The following EBF1 variants were observed in gnomAD, a reference collection of about 807,000 sequenced individuals.
EBF1 encodes the protein EBF transcription factor 1.
EBF1 carries 10 observed loss-of-function variants against 68.4 expected under a neutral mutation model. The observed-to-expected ratio is 0.15, with a 90% confidence interval of 0.09 to 0.25. The LOEUF is 0.25. Ranked by LOEUF, EBF1 falls within the 10% of genes least tolerant of loss-of-function variation. The pLI, the probability that EBF1 is intolerant of heterozygous loss-of-function variation, is 1.00. For missense variants in EBF1, 509 were observed against 794.4 expected (o/e 0.64, Z 4.32); for synonymous variants, 298 against 299.8 (o/e 0.99, Z 0.06).
intron 6 of EBF1, among the ~76,000 whole-genome samples, chr5:158,881,233 C>A (rs545853438): frequency 6.6e-6 from 1 of 152,018 alleles, no homozygotes; most frequent in Non-Finnish European, 1.5e-5. Flanking sequence ...CAAACTCAAC[C>A]TTTCTTTGAA....
chr5:158,795,832 G>A (rs1779523712), intron 9 of EBF1, among the ~76,000 whole-genome samples: 1 of 152,132 alleles, frequency 6.6e-6, no homozygotes, highest in Admixed American at 6.5e-5. Context: ...GCTAGAAAAA[G>A]CCCTTTGTGG....
intron 9 of EBF1, among the ~76,000 whole-genome samples, chr5:158,789,734 C>T (rs1419780826): frequency 2.0e-5 from 3 of 152,290 alleles, no homozygotes; most frequent in East Asian, 1.9e-4. Context: ...AATGTGGTGA[C>T]TCTACATGTG....
At chr5:159,029,290 C>T (rs574065811) in intron 6 of EBF1, among the ~76,000 whole-genome samples, 1 of 152,102 alleles carries the variant, frequency 6.6e-6, no homozygotes, top group Admixed American at 6.6e-5. Flanking sequence ...GTGGTATTCT[C>T]ACAAATAACC....
intron 6 of EBF1, among the ~76,000 whole-genome samples, chr5:159,024,381 C>T (rs1355449920): frequency 5.9e-5 from 9 of 152,298 alleles, no homozygotes; most frequent in South Asian, 4.1e-4. Flanking sequence ...GGAGAAACTA[C>T]GTAATTTTTC....
chr5:158,933,269 G>C (rs1300182300), intron 6 of EBF1, among the ~76,000 whole-genome samples: 1 of 152,080 alleles, frequency 6.6e-6, no homozygotes, highest in Non-Finnish European at 1.5e-5. Flanking sequence ...AGGAAGCGGG[G>C]ATAGTTCAGC....
At chr5:158,877,268 T>C (rs986652952) in intron 6 of EBF1, among the ~76,000 whole-genome samples, 2 of 152,214 alleles carry the variant, frequency 1.3e-5, no homozygotes, top group African/African-American at 4.8e-5. Context: ...AGCTACAGTG[T>C]CACTTACTAG....
rs756741736 is a variant in EBF1, at chr5:159,099,364, C to T, written c.115G>A (p.Ala39Thr). The T allele has an allele frequency of 1.3e-6, 2 of 1,590,502 alleles. No individual in the cohort carries two copies. The highest frequency in any genetic ancestry group is 1.7e-6 in the Non-Finnish European group (2 of 1,169,722). ...TWMQGAGVLD[A>T]NTAAQSGVGL... ...ACCCACCTCTGCGCCGCCGTGTTGG[C>T]GTCCAGCACCCCGGCGCCCTGCATC... The change falls in exon 1 of 16, where the codon GCC (alanine) becomes ACC (threonine). Residue 39 changes from alanine to threonine, a missense_variant. Coordinates refer to ENST00000313708, the MANE Select transcript of EBF1 (RefSeq NM_024007.5).
intron 6 of EBF1, among the ~76,000 whole-genome samples, chr5:158,870,558 C>T (rs1006823433): frequency 6.6e-6 from 1 of 152,090 alleles, no homozygotes; most frequent in Non-Finnish European, 1.5e-5. Context: ...CACCCATAGT[C>T]CCAGCTATTC....
At chr5:158,926,738 A>G (rs987796528) in intron 6 of EBF1, among the ~76,000 whole-genome samples, 7 of 151,832 alleles carry the variant, frequency 4.6e-5, no homozygotes, top group African/African-American at 1.2e-4. Flanking sequence ...AAAAAAAAAA[A>G]AAAGAAAAGA....
chr5:159,099,232 A>T, intron 1 of EBF1, 113 bp downstream of exon 1: 1 of 825,022 alleles, frequency 1.2e-6, no homozygotes, highest in Non-Finnish European at 1.6e-6. Flanking sequence ...GCGGCTGCGG[A>T]CTCACCCCGC....
chr5:158,895,192 C>A (rs560211174), intron 6 of EBF1, among the ~76,000 whole-genome samples: 4 of 152,188 alleles, frequency 2.6e-5, no homozygotes, highest in African/African-American at 9.6e-5. Context: ...ATGTTGGACA[C>A]CAGCACTATT....
At chr5:158,844,265 A>G (rs1306184581) in intron 6 of EBF1, among the ~76,000 whole-genome samples, 1 of 151,364 alleles carries the variant, frequency 6.6e-6, no homozygotes, top group African/African-American at 2.4e-5. Flanking sequence ...TTTCAGTACA[A>G]ATAATATCAT....
At chr5:158,824,857 G>T (rs907522381) in intron 7 of EBF1, among the ~76,000 whole-genome samples, 4 of 152,200 alleles carry the variant, frequency 2.6e-5, no homozygotes, top group African/African-American at 9.7e-5. Flanking sequence ...AAAATACGAT[G>T]AATTTCCTTT....
At chr5:158,863,112 G>A (rs1325371156) in intron 6 of EBF1, among the ~76,000 whole-genome samples, 1 of 152,096 alleles carries the variant, frequency 6.6e-6, no homozygotes, top group Non-Finnish European at 1.5e-5. Flanking sequence ...GTTCCTTTAT[G>A]CTAAAGGTTT....
intron 5 of EBF1, among the ~76,000 whole-genome samples, chr5:159,080,957 A>G (rs1387594391): frequency 1.3e-5 from 2 of 152,162 alleles, no homozygotes; most frequent in Non-Finnish European, 2.9e-5. Flanking sequence ...CCATGGTTTC[A>G]GTTACCTGTG....
At chr5:158,898,697 C>T (rs1802656496) in intron 6 of EBF1, among the ~76,000 whole-genome samples, 1 of 152,178 alleles carries the variant, frequency 6.6e-6, no homozygotes, top group Non-Finnish European at 1.5e-5. Flanking sequence ...GGCTGTCATC[C>T]ACGCACTAAG....
chr5:159,073,596 A>T, intron 5 of EBF1, 132 bp from the exon 6 acceptor site: 1 of 912,290 alleles, frequency 1.1e-6, no homozygotes, highest in Non-Finnish European at 1.7e-6. Flanking sequence ...CAATCAACGG[A>T]TCCCTGGGAC....
At chr5:159,021,509 G>A (rs1766674329) in intron 6 of EBF1, among the ~76,000 whole-genome samples, 1 of 152,234 alleles carries the variant, frequency 6.6e-6, no homozygotes, top group Non-Finnish European at 1.5e-5. Flanking sequence ...CTGTGCCTGT[G>A]AGGTCAGGCA....
chr5:158,799,755 A>T (rs533686614), intron 8 of EBF1, among the ~76,000 whole-genome samples: 1 of 152,306 alleles, frequency 6.6e-6, no homozygotes, highest in East Asian at 1.9e-4. Flanking sequence ...AGCACTGCTC[A>T]GCTTCAGCCT....
Sources: allele counts gnomAD v4.1 joint callset (sites outside exome capture counted in the v4.1 genomes callset), GRCh38; gene constraint gnomAD v4.1.1; transcripts MANE v1.5; gene names NCBI Gene and HGNC (gene_info 2026-07-23, HGNC 2026-07-21).